Variants in SGF29 observed in about 807,000 individuals in gnomAD.
SGF29 encodes SAGA complex associated factor 29, also known as SAGA-associated factor 29.
Under a neutral mutation model 38.1 loss-of-function variants are expected in SGF29, and 15 were observed. That is an observed-to-expected ratio of 0.39 (90% confidence interval 0.26 to 0.61). The LOEUF (loss-of-function observed/expected upper bound fraction) is 0.61, where lower values mean the gene tolerates loss of function less well. Ranked by LOEUF, SGF29 falls within the 20% of genes least tolerant of loss-of-function variation. The pLI is 0.49. For missense variants in SGF29, 184 were observed against 394.6 expected (o/e 0.47, Z 4.52); for synonymous variants, 151 against 160.8 (o/e 0.94, Z 0.46).
intron 9 of SGF29, 123 bp downstream of exon 9, chr16:28,591,058 C>T (rs557063608): frequency 1.6e-6 from 2 of 1,234,418 alleles, no homozygotes; most frequent in Non-Finnish European, 2.2e-6. Context: ...GCTGACAGGA[C>T]CCACCAGCTG....
Position 28,590,728 on chromosome 16 carries a change from C to A in SGF29, c.603-45C>A, listed in dbSNP as rs747878441. On this transcript the variant is annotated intron_variant, in intron 8 of 9. Coordinates refer to ENST00000317058, the MANE Select transcript of SGF29 (RefSeq NM_138414.3). This position sits in a 1 kb window ranked among gnomAD's most constrained non-coding sequence, Gnocchi z 8.2. ...GGGCAGCCTAACAGCTGAGAAGGAG[C>A]ATCCCCACCCGGCCACAGGTTGATA... 6.8e-6 allele frequency: 11 copies of A among 1,613,924 alleles called. No individual in the cohort carries two copies. In the African/African-American group the frequency reaches 1.3e-4, roughly 20 times the overall value.
chr16:28,564,600 T>A (rs2046814749), intron 1 of SGF29, among the ~76,000 whole-genome samples: 1 of 133,800 alleles, frequency 7.5e-6, no homozygotes, highest in Non-Finnish European at 1.6e-5. Context: ...TACACACATA[T>A]ATGTGTATAT....
intron 4 of SGF29, among the ~76,000 whole-genome samples, 180 bp downstream of exon 4, chr16:28,585,900 C>T (rs1801900406): frequency 6.6e-6 from 1 of 152,244 alleles, no homozygotes; most frequent in Non-Finnish European, 1.5e-5. Flanking sequence ...TTCCAGTTAC[C>T]TCTGCTGCTA....
rs140991584 is a variant in SGF29, at chr16:28,570,390, T to C, written c.-15-10665T>C. 5.5e-4 allele frequency among the ~76,000 whole-genome samples: 83 copies of C among 152,268 alleles called. 4 individuals are homozygous for C. In the East Asian group the frequency reaches 0.016, roughly 29 times the overall value. ...CTTTCTTCTTTGTTGTTTCTCTCTT[T>C]TAGAATGTCTGTCCTATGCCTGTCC... On this transcript the variant is annotated intron_variant, in intron 1 of 9. Coordinates refer to ENST00000317058, the MANE Select transcript of SGF29 (RefSeq NM_138414.3).
At chr16:28,566,273 CAAAAAAAAAAAGA>C (rs1470041112) in intron 1 of SGF29, among the ~76,000 whole-genome samples, 1 of 133,094 alleles carries the variant, frequency 7.5e-6, no homozygotes, top group South Asian at 2.3e-4. Context: ...GACTCTGTCT[CAAAAAAAAAAAGA>C]AAAAGAAAAA....
At chr16:28,564,759 ATATG>A (rs2046824776) in intron 1 of SGF29, among the ~76,000 whole-genome samples, 3 of 67,164 alleles carry the variant, frequency 4.5e-5, no homozygotes, top group African/African-American at 1.8e-4. Flanking sequence ...ATATATGTAT[ATATG>A]TATATATATG....
chr16:28,584,996 G>A lies in SGF29; in HGVS notation c.151+8G>A, dbSNP rs1481686422. 5 of 1,612,482 alleles carry A rather than the reference G, an allele frequency of 3.1e-6. No individual in the cohort carries two copies. Among genetic ancestry groups the A allele is most frequent in the Non-Finnish European group, 4.2e-6 (5 of 1,178,816 alleles). On this transcript the variant is annotated splice_region_variant and intron_variant, in intron 3 of 9. Transcript: ENST00000317058. Reference sequence around the variant, plus strand: ...TGCAGACAGAGAACAAGAGTGAGTAGCTGGGCTCAGGAGAGAAAGGGGATG... The same window carrying A: ...TGCAGACAGAGAACAAGAGTGAGTAACTGGGCTCAGGAGAGAAAGGGGATG...
intron 1 of SGF29, among the ~76,000 whole-genome samples, chr16:28,557,792 T>C (rs2046761629): frequency 6.6e-6 from 1 of 152,106 alleles, no homozygotes; most frequent in Non-Finnish European, 1.5e-5. Flanking sequence ...TCTCCACACA[T>C]TTGGCCACGG....
chr16:28,584,481 TG>T (rs879255846), intron 2 of SGF29, among the ~76,000 whole-genome samples: 15 of 150,366 alleles, frequency 1.0e-4, no homozygotes, highest in Non-Finnish European at 1.9e-4. Context: ...GGCGAAACCC[TG>T]TCTCTACTAA....
At position 28,577,260 on chromosome 16, in the gene SGF29, A is replaced by G. The variant is rs2046899833; in HGVS notation, c.-15-3795A>G. Among the ~76,000 whole-genome samples the G allele has an allele frequency of 2.0e-5, 3 of 151,822 alleles. No individual in the cohort carries two copies. The South Asian group carries it at 6.2e-4, about 32-fold the overall frequency. On this transcript the variant is annotated intron_variant, in intron 1 of 9. Transcript: ENST00000317058. ...CCTGGGGGTGGGGTGGCCATGTACC[A>G]TGTATTTAAAGTGTGCAATTCATTG...
chr16:28,558,129 C>T (rs1319702764), intron 1 of SGF29, among the ~76,000 whole-genome samples: 4 of 140,990 alleles, frequency 2.8e-5, no homozygotes, highest in South Asian at 2.3e-4. Context: ...TTTTTTGAAA[C>T]GGAGTCTCGC....
intron 1 of SGF29, among the ~76,000 whole-genome samples, chr16:28,572,520 C>T (rs549267887): frequency 2.0e-5 from 3 of 152,268 alleles, no homozygotes; most frequent in East Asian, 3.9e-4. Flanking sequence ...CCGCCTGCCT[C>T]GGCTTCCCAA....
intron 1 of SGF29, among the ~76,000 whole-genome samples, chr16:28,554,870 A>G (rs1276109660): frequency 6.6e-6 from 1 of 152,190 alleles, no homozygotes; most frequent in East Asian, 1.9e-4. Flanking sequence ...CCTGTTCAGC[A>G]TTTGATGCTG....
Position 28,591,738 on chromosome 16 carries a change from A to G in SGF29, c.*32A>G, listed in dbSNP as rs1171502343. The G allele has an allele frequency of 6.5e-7, 1 of 1,532,416 alleles. No individual in the cohort carries two copies. Among genetic ancestry groups the G allele is most frequent in the Admixed American group, 1.7e-5 (1 of 59,784 alleles). 94.9% of individuals were successfully genotyped at this position (1,532,416 alleles called of 1,614,324 possible). A position where few individuals can be genotyped will look rare whatever the true frequency, so the allele number is the denominator to read the frequency against. On this transcript the variant is annotated 3_prime_UTR_variant, in exon 10 of 10. Coordinates refer to ENST00000317058, the MANE Select transcript of SGF29 (RefSeq NM_138414.3). Reference sequence around the variant, plus strand: ...CTGGCAGACTCGCCATCCCCCAACGACACAGGGCAGGACAGCAGAGGACGT... The same window carrying G: ...CTGGCAGACTCGCCATCCCCCAACGGCACAGGGCAGGACAGCAGAGGACGT...
intron 1 of SGF29, 152 bp downstream of exon 1, chr16:28,554,249 T>TG (rs1337600829): frequency 7.6e-4 from 11 of 14,424 alleles, no homozygotes; most frequent in African/African-American, 1.3e-3. Context: ...GCGGGGCTCG[T>TG]GGGGGTGGGG....
intron 1 of SGF29, among the ~76,000 whole-genome samples, chr16:28,569,202 T>G (rs1445685966): frequency 3.9e-5 from 6 of 152,188 alleles, no homozygotes; most frequent in Admixed American, 3.9e-4. Flanking sequence ...GAATATTTGG[T>G]GGATGAAGTC....
At chr16:28,584,776 G>A in intron 2 of SGF29, 137 bp from the exon 3 acceptor site, 1 of 574,432 alleles carries the variant, frequency 1.7e-6, no homozygotes, top group Non-Finnish European at 3.0e-6. Flanking sequence ...GCGACAGAGT[G>A]AGACTCCATC....
At chr16:28,586,011 G>T (rs931547806) in intron 4 of SGF29, among the ~76,000 whole-genome samples, 1 of 152,246 alleles carries the variant, frequency 6.6e-6, no homozygotes, top group African/African-American at 2.4e-5. Context: ...GGGCTGGGTA[G>T]CTCAGATCTG....
chr16:28,581,260 T>C (rs1391805239), intron 2 of SGF29, 116 bp downstream of exon 2: 1 of 902,594 alleles, frequency 1.1e-6, no homozygotes, highest in African/African-American at 1.6e-5. Context: ...CAAAATGACG[T>C]AATAAAAGTG....
Sources: allele counts gnomAD v4.1 joint callset (sites outside exome capture counted in the v4.1 genomes callset), GRCh38; gene constraint gnomAD v4.1.1; non-coding constraint Gnocchi (gnomAD v3.1); transcripts MANE v1.5; gene names NCBI Gene and HGNC (gene_info 2026-07-23, HGNC 2026-07-21).